ATP13A4: variants seen among roughly 807,000 people sequenced by gnomAD.
ATP13A4 encodes the protein ATPase 13A4.
In ATP13A4, 114 loss-of-function variants were observed where a neutral mutation model predicts 142.5. The ratio of observed to expected loss-of-function variants is 0.80; its 90% CI spans 0.69 to 0.93. ATP13A4 has a LOEUF of 0.93. Ranked by LOEUF, ATP13A4 falls within the 40% of genes least tolerant of loss-of-function variation. The pLI, the probability that ATP13A4 is intolerant of heterozygous loss-of-function variation, is 0.00. For synonymous variants in ATP13A4, 488 were observed against 514.8 expected (o/e 0.95, Z 0.70); for missense variants, 1,392 against 1,454.0 (o/e 0.96, Z 0.69).
intron 1 of ATP13A4, among the ~76,000 whole-genome samples, chr3:193,590,184 T>C (rs1222348146): frequency 6.6e-6 from 1 of 152,168 alleles, no homozygotes; most frequent in South Asian, 2.1e-4. Flanking sequence ...CTCAAATCAA[T>C]CTTCCTGAAG....
intron 24 of ATP13A4, among the ~76,000 whole-genome samples, chr3:193,434,708 C>T (rs1014426000): frequency 1.3e-5 from 2 of 152,084 alleles, no homozygotes; most frequent in Non-Finnish European, 2.9e-5. Flanking sequence ...GATATCCAGA[C>T]GAACTTTCTT....
In ATP13A4 at chr3:193,493,127, C is replaced by T. The variant is rs1411605720; in HGVS notation, c.415G>A (p.Val139Ile). 1.9e-6 allele frequency: 3 copies of T among 1,613,244 alleles called. No individual in the cohort carries two copies. The highest frequency in any genetic ancestry group is 2.5e-6 in the Non-Finnish European group (3 of 1,179,634). The change falls in exon 4 of 30, where the codon GTT becomes ATT. Residue 139 changes from valine to isoleucine, a missense_variant. Transcript: ENST00000342695. ...AACTGTCCTTCTAAGTAGTTCCAAA[C>T]ATATCTTATTTTCTGCACTTTGATG... The part of the protein sequence containing the change: ...RCIKVQKIRY[V>I]WNYLEGQFQK...
At chr3:193,522,593 C>T (rs1035970428) in intron 1 of ATP13A4, among the ~76,000 whole-genome samples, 1 of 152,204 alleles carries the variant, frequency 6.6e-6, no homozygotes, top group African/African-American at 2.4e-5. Context: ...CCCTCCTCCT[C>T]CTTAGCTCTC....
intron 8 of ATP13A4, among the ~76,000 whole-genome samples, chr3:193,473,724 C>T (rs1391360565): frequency 6.6e-6 from 1 of 152,012 alleles, no homozygotes; most frequent in African/African-American, 2.4e-5. Flanking sequence ...GATATTCCAG[C>T]CAAAAATGCA....
chr3:193,427,581 A>G (rs1231771674), intron 25 of ATP13A4, among the ~76,000 whole-genome samples: 1 of 151,176 alleles, frequency 6.6e-6, no homozygotes, highest in East Asian at 1.9e-4. Flanking sequence ...CCAAAAGAGC[A>G]TGGTACAGAG....
chr3:193,589,327 A>G (rs370780585), intron 1 of ATP13A4, among the ~76,000 whole-genome samples: 27 of 152,240 alleles, frequency 1.8e-4, no homozygotes, highest in African/African-American at 6.5e-4. Flanking sequence ...GATAATGATG[A>G]TGGTGCAAAC....
At chr3:193,558,865 C>T (rs1324276399), upstream of ATP13A4, among the ~76,000 whole-genome samples, 4 of 152,212 alleles carry the variant, frequency 2.6e-5, no homozygotes, top group African/African-American at 9.6e-5. Flanking sequence ...AATACTCTCT[C>T]CCAAATAAGA....
chr3:193,448,524 C>T (rs565518462), intron 17 of ATP13A4, among the ~76,000 whole-genome samples, 194 bp from the exon 18 acceptor site: 8 of 152,172 alleles, frequency 5.3e-5, no homozygotes, highest in African/African-American at 1.4e-4. Context: ...TTAATAGATA[C>T]GGGGTTTCAC....
chr3:193,535,039 A>G (rs1175199121), intron 1 of ATP13A4, among the ~76,000 whole-genome samples: 3 of 152,190 alleles, frequency 2.0e-5, no homozygotes, highest in African/African-American at 7.2e-5. Flanking sequence ...TCAGCCTCCC[A>G]AAGTGCTGGG....
chr3:193,441,423 A>G (rs1560188992), intron 20 of ATP13A4, 43 bp downstream of exon 20: 1 of 1,610,262 alleles, frequency 6.2e-7, no homozygotes. Flanking sequence ...AAGTGACATC[A>G]TCAGCATTTT....
intron 1 of ATP13A4, among the ~76,000 whole-genome samples, chr3:193,543,147 A>G (rs188931143): frequency 2.1e-4 from 32 of 151,150 alleles, no homozygotes; most frequent in Middle Eastern, 3.4e-3. Flanking sequence ...CAGCCTGGGC[A>G]ACAGAGCAAG....
At chr3:193,409,838 T>G (rs1451436973) in intron 28 of ATP13A4, among the ~76,000 whole-genome samples, 1 of 152,214 alleles carries the variant, frequency 6.6e-6, no homozygotes, top group Non-Finnish European at 1.5e-5. Flanking sequence ...TTTAGGAGTC[T>G]GATACGCAAT....
At chr3:193,585,199 C>G (rs910333797) in intron 1 of ATP13A4, among the ~76,000 whole-genome samples, 1 of 152,192 alleles carries the variant, frequency 6.6e-6, no homozygotes, top group Non-Finnish European at 1.5e-5. Context: ...TCGTGGCTCA[C>G]TTGAGATCAG....
At position 193,438,663 on chromosome 3, in the gene ATP13A4, A is replaced by G. The variant is rs1340479512; in HGVS notation, c.2563-79T>C. 4 of 1,229,582 alleles carry G rather than the reference A, an allele frequency of 3.3e-6. No homozygotes were observed. The African/African-American group carries it at 5.9e-5, about 18-fold the overall frequency. The allele number at this position is 1,229,582 out of a possible 1,614,324, so 76.2% of individuals were successfully genotyped here. ...AAAGCCTCATAAGAAAAGGCCAGTT[A>G]AGCTGGCCACAAGGTGGTTTGTGTG... On this transcript the variant is annotated intron_variant, in intron 22 of 29. Coordinates refer to ENST00000342695, the MANE Select transcript of ATP13A4 (RefSeq NM_032279.4).
At chr3:193,538,033 G>A (rs1722679945) in intron 1 of ATP13A4, among the ~76,000 whole-genome samples, 1 of 152,138 alleles carries the variant, frequency 6.6e-6, no homozygotes, top group African/African-American at 2.4e-5. Flanking sequence ...TCTGTGTCTT[G>A]ACTGTATCAA....
chr3:193,556,509 G>T (rs281813), upstream of ATP13A4, among the ~76,000 whole-genome samples: 476 of 151,366 alleles, frequency 3.1e-3, 1 homozygote, highest in African/African-American at 0.011. Context: ...GTGTGTGTGT[G>T]TATATATATA....
chr3:193,454,176 G>A lies in ATP13A4; in HGVS notation c.1952C>T (p.Thr651Met), dbSNP rs145604296. Reference sequence around the variant, plus strand: ...TGCTATGACTCGGAAGCCCTGTGTCGTGTAAATCTGAAGTTCGCTAACAAA... The same window carrying A: ...TGCTATGACTCGGAAGCCCTGTGTCATGTAAATCTGAAGTTCGCTAACAAA... ...TSFVSELQIY[T>M]TQGFRVIALA... The change falls in exon 17 of 30, where the codon ACG (threonine) becomes ATG (methionine). Residue 651 changes from threonine to methionine, a missense_variant. Transcript: ENST00000342695. 1.8e-4 allele frequency: 290 copies of A among 1,613,878 alleles called. No homozygotes were observed. Among genetic ancestry groups the A allele is most frequent in the Non-Finnish European group, 2.4e-4 (282 of 1,179,868 alleles).
chr3:193,588,466 C>T (rs955038154), intron 1 of ATP13A4, among the ~76,000 whole-genome samples: 1 of 152,130 alleles, frequency 6.6e-6, no homozygotes, highest in African/African-American at 2.4e-5. Context: ...TTTGATTCCT[C>T]TTCCTAGTTT....
Position 193,489,993 on chromosome 3 carries a change from C to T in ATP13A4, c.604-129G>A, listed in dbSNP as rs1380106223. ...ACACAATATTCTTATTATATTTATT[C>T]GGCAATTGACACGTGCCAGACACCG... On this transcript the variant is annotated intron_variant, in intron 6 of 29. Coordinates refer to ENST00000342695, the MANE Select transcript of ATP13A4 (RefSeq NM_032279.4). The T allele has an allele frequency of 1.2e-4, 125 of 1,071,846 alleles. No homozygotes were observed. The South Asian group carries it at 1.2e-3, about 11-fold the overall frequency. The allele number at this position is 1,071,846 out of a possible 1,614,324, so 66.4% of individuals were successfully genotyped here. A position where few individuals can be genotyped will look rare whatever the true frequency, so the allele number is the denominator to read the frequency against.
Sources: allele counts gnomAD v4.1 joint callset (sites outside exome capture counted in the v4.1 genomes callset), GRCh38; gene constraint gnomAD v4.1.1; transcripts MANE v1.5; gene names NCBI Gene and HGNC (gene_info 2026-07-23, HGNC 2026-07-21).